USP34: variants seen among roughly 807,000 people sequenced by gnomAD.
The protein encoded by USP34 is ubiquitin specific peptidase 34.
Under a neutral mutation model 460.3 loss-of-function variants are expected in USP34, and 70 were observed. The observed-to-expected ratio is 0.15, with a 90% CI of 0.13 to 0.19. The LOEUF (loss-of-function observed/expected upper bound fraction) is 0.19, where lower values mean the gene tolerates loss of function less well. Among genes scored for constraint, USP34 ranks in the 10% least tolerant of loss-of-function variants. The pLI is 1.00. For missense variants in USP34, 3,985 were observed against 4,236.2 expected (o/e 0.94, Z 1.65); for synonymous variants, 1,647 against 1,405.3 (o/e 1.17, Z -3.85).
chr2:61,229,772 G>A (rs1353021724), intron 58 of USP34, 139 bp from the exon 59 acceptor site: 1 of 654,576 alleles, frequency 1.5e-6, no homozygotes, highest in Non-Finnish European at 2.5e-6. Flanking sequence ...CTCTTCTGGA[G>A]TCTCAACAAT....
In USP34 at chr2:61,201,303, C is replaced by T. The variant is rs547715629; in HGVS notation, c.9508+1837G>A. On this transcript the variant is annotated intron_variant, in intron 75 of 79. Transcript: ENST00000398571. ...TGATCTCGGCTCACGGCAACCTCCG[C>T]CTCCCAGGTTCAAGCAATTCTCTGG... is the stretch of plus-strand genomic sequence containing the variant. 2.7e-5 allele frequency among the ~76,000 whole-genome samples: 4 copies of T among 150,800 alleles called. No individual in the cohort carries two copies. In the East Asian group the frequency reaches 5.9e-4, roughly 22 times the overall value.
chr2:61,435,763 T>C (rs1694795183), intron 1 of USP34, among the ~76,000 whole-genome samples: 1 of 152,214 alleles, frequency 6.6e-6, no homozygotes, highest in Non-Finnish European at 1.5e-5. Flanking sequence ...GCGCAGTGGC[T>C]CATGCCTGTA....
chr2:61,304,712 T>C (rs1026535602), intron 27 of USP34, among the ~76,000 whole-genome samples: 1 of 152,252 alleles, frequency 6.6e-6, no homozygotes, highest in Non-Finnish European at 1.5e-5. Flanking sequence ...AAATTTCTTT[T>C]GTTTATAAGC....
rs1306567931 is a variant in USP34 at position 61,265,551 on chromosome 2, G to A, written c.5624C>T (p.Ala1875Val). 2 of 1,590,712 alleles carry A rather than the reference G, an allele frequency of 1.3e-6. No individual in the cohort carries two copies. The highest frequency in any genetic ancestry group is 1.7e-6 in the Non-Finnish European group (2 of 1,165,562). ...AGGCCAGTAATCCCATTTATAAGGT[G>A]CATGGGCTGCTGAAGAAAGAGGGAG... is the stretch of plus-strand genomic sequence containing the variant. ...WVMAQHMQSH[A>V]PYKWDYWPHE... The change falls in exon 43 of 80, where the codon GCA (alanine) becomes GTA (valine). Residue 1875 changes from alanine to valine, a missense_variant. Around this residue, in one of 14 missense-constraint regions of USP34, gnomAD observed 1,114 missense variants for 1,122.5 expected, o/e 0.99. Coordinates refer to ENST00000398571, the MANE Select transcript of USP34 (RefSeq NM_014709.4).
At chr2:61,281,295 A>G (rs561959619) in intron 37 of USP34, 53 bp from the exon 38 acceptor site, 81 of 1,557,074 alleles carry the variant, frequency 5.2e-5, no homozygotes, top group Non-Finnish European at 6.4e-5. Context: ...TACAAAGTTA[A>G]TATGTTAGCA....
At chr2:61,320,562 T>A (rs1690885958) in intron 21 of USP34, among the ~76,000 whole-genome samples, 1 of 152,194 alleles carries the variant, frequency 6.6e-6, no homozygotes, top group African/African-American at 2.4e-5. Context: ...TATATAAAAG[T>A]GTATAAAATA....
chr2:61,298,695 C>T (rs894964264), intron 29 of USP34, among the ~76,000 whole-genome samples: 2 of 151,792 alleles, frequency 1.3e-5, no homozygotes, highest in African/African-American at 4.8e-5. Flanking sequence ...TCTACTACAT[C>T]CTCCACACAA....
intron 53 of USP34, among the ~76,000 whole-genome samples, chr2:61,237,553 GATT>G (rs1688103851): frequency 9.4e-6 from 1 of 106,526 alleles, no homozygotes; most frequent in East Asian, 2.7e-4. Flanking sequence ...ATTTTCTGTG[GATT>G]TTTTTTTTTT....
At chr2:61,447,636 T>C (rs908669996) in intron 1 of USP34, among the ~76,000 whole-genome samples, 1 of 152,204 alleles carries the variant, frequency 6.6e-6, no homozygotes, top group Non-Finnish European at 1.5e-5. Context: ...ATGCTTTATA[T>C]GAACTCATTT....
chr2:61,364,729 G>A (rs1236140746), intron 10 of USP34, among the ~76,000 whole-genome samples: 1 of 152,078 alleles, frequency 6.6e-6, no homozygotes, highest in African/African-American at 2.4e-5. Flanking sequence ...AGGAGTTTGA[G>A]ACCAGCCTAG....
rs139555634 is a variant in USP34 at position 61,279,695 on chromosome 2, ACC to A, written c.5256+547_5256+548del. Reference sequence around the variant, plus strand: ...TGGCCAAGATGGTCTCCATCTTTTGACCTTGTGATCCGCCCGCCTCGGCCTCC... The same window carrying A: ...TGGCCAAGATGGTCTCCATCTTTTGATTGTGATCCGCCCGCCTCGGCCTCC... On this transcript the variant is annotated intron_variant, in intron 39 of 79. Coordinates refer to ENST00000398571, the MANE Select transcript of USP34 (RefSeq NM_014709.4). Among the ~76,000 whole-genome samples, 859 of 152,132 alleles carry A rather than the reference ACC, an allele frequency of 5.6e-3. 6 individuals carry two copies. Among genetic ancestry groups the A allele is most frequent in the African/African-American group, 0.019 (783 of 41,534 alleles).
Position 61,280,276 on chromosome 2 carries a change from C to A in USP34, c.5224G>T (p.Val1742Phe). ...KEYFWLLCKL[V>F]DNIHIKDASQ... ...GCGTCCTTTATATGTATGTTGTCAA[C>A]TAATTTGCATAACAACCAAAAATAC... The change falls in exon 39 of 80, where the codon GTT (valine) becomes TTT (phenylalanine). Residue 1742 changes from valine (V) to phenylalanine (F), a missense_variant. Physicochemically the swap from Val to Phe is conservative, Grantham distance 50. Transcript: ENST00000398571. 1 of 1,563,622 alleles carries A rather than the reference C, an allele frequency of 6.4e-7. No individual in the cohort carries two copies. Among genetic ancestry groups the A allele is most frequent in the Non-Finnish European group, 8.7e-7 (1 of 1,155,992 alleles).
chr2:61,316,993 T>G (rs1690770867), intron 23 of USP34, among the ~76,000 whole-genome samples: 2 of 152,170 alleles, frequency 1.3e-5, no homozygotes. Flanking sequence ...TCAGATGGAG[T>G]CTTGCTTTGT....
chr2:61,231,619 G>A (rs1308337630), intron 58 of USP34, among the ~76,000 whole-genome samples: 1 of 151,798 alleles, frequency 6.6e-6, no homozygotes, highest in Admixed American at 6.6e-5. Flanking sequence ...GGAGGCTGAG[G>A]TGGGAGAATT....
At chr2:61,444,810 T>C (rs528279386) in intron 1 of USP34, among the ~76,000 whole-genome samples, 1 of 151,924 alleles carries the variant, frequency 6.6e-6, no homozygotes, top group South Asian at 2.1e-4. Context: ...CCACCGCACG[T>C]GGAGACCTCC....
chr2:61,470,760 AGG>A lies in USP34; in HGVS notation c.-70_-69del. On this transcript the variant is annotated 5_prime_UTR_variant, in exon 1 of 80. Coordinates refer to ENST00000398571, the MANE Select transcript of USP34 (RefSeq NM_014709.4). ...TGACTGATCCCGACCGGCGGGGGGG[AGG>A]GGAGAGAGGCGGAGGAGGGGGCCGG... The A allele has an allele frequency of 9.2e-7, 1 of 1,085,798 alleles. No homozygotes were observed. The highest frequency in any genetic ancestry group is 1.6e-5 in the South Asian group (1 of 62,936). The allele number at this position is 1,085,798 out of a possible 1,614,324, so 67.3% of individuals were successfully genotyped here.
At chr2:61,439,707 G>C (rs1461137166) in intron 1 of USP34, among the ~76,000 whole-genome samples, 1 of 152,182 alleles carries the variant, frequency 6.6e-6, no homozygotes, top group African/African-American at 2.4e-5. Context: ...TAAGAGAACA[G>C]ACTTGCTGAC....
At position 61,416,998 on chromosome 2, in the gene USP34, T is replaced by A. The variant is rs544502560; in HGVS notation, c.131+3748A>T. 13 of 1,320,676 alleles carry A rather than the reference T, an allele frequency of 9.8e-6. No individual in the cohort carries two copies. In the East Asian group the frequency reaches 2.8e-4, roughly 28 times the overall value. The allele number at this position is 1,320,676 out of a possible 1,614,324, so 81.8% of individuals were successfully genotyped here. ...CACCATATCTTCAAATTCATCGGCA[T>A]TGAACTTGGTGAAGCCCCACTTCTT... On this transcript the variant is annotated intron_variant, in intron 2 of 79. Coordinates refer to ENST00000398571, the MANE Select transcript of USP34 (RefSeq NM_014709.4).
chr2:61,453,779 CTGGGACATGACCCAGA>C (rs1695352429), intron 1 of USP34, among the ~76,000 whole-genome samples: 2 of 150,544 alleles, frequency 1.3e-5, no homozygotes, highest in African/African-American at 4.9e-5. Flanking sequence ...ACATCTTGAC[CTGGGACATGACCCAGA>C]TTTCTATGCT....
Sources: gnomAD v4.1 joint callset for allele counts (sites outside exome capture counted in the v4.1 genomes callset) on GRCh38, gnomAD v4.1.1 for gene constraint, gnomAD v4.1.1 regional missense constraint, MANE v1.5 for transcripts, NCBI Gene and HGNC (gene_info 2026-07-23, HGNC 2026-07-21) for gene names.